GOLIM4: variants seen among roughly 807,000 people sequenced by gnomAD.
GOLIM4 encodes the protein golgi integral membrane protein 4, also known as 130 kDa golgi-localized phosphoprotein.
GOLIM4 carries 71 observed loss-of-function variants against 107.4 expected under a neutral mutation model. That is an observed-to-expected ratio of 0.66 (90% CI 0.55 to 0.81). The LOEUF (loss-of-function observed/expected upper bound fraction) is 0.81, where lower values mean the gene tolerates loss of function less well. Among genes scored for constraint, GOLIM4 ranks in the 30% least tolerant of loss-of-function variants. GOLIM4 has a pLI of 0.00. For synonymous variants in GOLIM4, 327 were observed against 294.8 expected, an observed-to-expected ratio of 1.11 and a Z score of -1.12; for missense variants, 830 against 826.1, an observed-to-expected ratio of 1.00 and a Z score of -0.06.
chr3:168,076,979 G>A (rs1721111159), intron 1 of GOLIM4, among the ~76,000 whole-genome samples: 1 of 152,136 alleles, frequency 6.6e-6, no homozygotes, highest in South Asian at 2.1e-4. Flanking sequence ...TTTACTTATT[G>A]CCTTTTGTTT....
chr3:168,017,048 TA>T (rs896181434), intron 14 of GOLIM4, among the ~76,000 whole-genome samples: 1 of 151,716 alleles, frequency 6.6e-6, no homozygotes, highest in Non-Finnish European at 1.5e-5. Context: ...ATAATAATAA[TA>T]AAAAAAAGAA....
At chr3:168,038,189 T>C (rs1437818544) in intron 7 of GOLIM4, among the ~76,000 whole-genome samples, 1 of 152,210 alleles carries the variant, frequency 6.6e-6, no homozygotes, top group African/African-American at 2.4e-5. Flanking sequence ...ATGGCCTTTA[T>C]CTGAGAAATC....
intron 1 of GOLIM4, among the ~76,000 whole-genome samples, chr3:168,072,598 A>G (rs1238727870): frequency 6.6e-6 from 1 of 152,074 alleles, no homozygotes; most frequent in East Asian, 1.9e-4. Flanking sequence ...TGGGCCATAA[A>G]TAGCTAGACT....
intron 1 of GOLIM4, among the ~76,000 whole-genome samples, chr3:168,054,134 T>G (rs559576734): frequency 6.6e-6 from 1 of 152,240 alleles, no homozygotes; most frequent in African/African-American, 2.4e-5. Flanking sequence ...TCTCACTCAA[T>G]TCCAGTTTCA....
intron 1 of GOLIM4, among the ~76,000 whole-genome samples, chr3:168,074,490 G>C (rs1720975401): frequency 6.6e-6 from 1 of 152,162 alleles, no homozygotes; most frequent in South Asian, 2.1e-4. Context: ...TCATGAGAAA[G>C]GCGTGAGCTT....
chr3:168,025,177 C>T, intron 12 of GOLIM4, 82 bp from the exon 13 acceptor site: 3 of 1,119,068 alleles, frequency 2.7e-6, no homozygotes, highest in Non-Finnish European at 3.9e-6. Context: ...TGCCCACTGG[C>T]AGAAAATGAA....
chr3:168,076,431 C>T (rs754255726), intron 1 of GOLIM4, among the ~76,000 whole-genome samples: 7 of 152,122 alleles, frequency 4.6e-5, no homozygotes, highest in South Asian at 2.1e-4. Flanking sequence ...TGGTGGCTCA[C>T]GCCTGTAATC....
At chr3:168,050,047 C>G (rs1036945303) in intron 1 of GOLIM4, among the ~76,000 whole-genome samples, 19 of 152,108 alleles carry the variant, frequency 1.2e-4, no homozygotes, top group African/African-American at 4.3e-4. Context: ...TTCCCTCATC[C>G]GTAGGCAGTC....
chr3:168,030,096 C>T, intron 9 of GOLIM4, 60 bp from the exon 10 acceptor site: 1 of 1,538,906 alleles, frequency 6.5e-7, no homozygotes, highest in South Asian at 1.2e-5. Flanking sequence ...GTTTTCTCTT[C>T]ATTTGTTTCT....
At chr3:168,066,908 A>G (rs557950383) in intron 1 of GOLIM4, among the ~76,000 whole-genome samples, 8 of 152,274 alleles carry the variant, frequency 5.3e-5, no homozygotes, top group African/African-American at 1.9e-4. Context: ...GTTATTTCAT[A>G]AGAAAAATAA....
chr3:168,025,605 A>G (rs1717949599), intron 12 of GOLIM4, among the ~76,000 whole-genome samples: 1 of 152,164 alleles, frequency 6.6e-6, no homozygotes, highest in Non-Finnish European at 1.5e-5. Flanking sequence ...AGGATACGAA[A>G]AGGAGACAAG....
intron 14 of GOLIM4, among the ~76,000 whole-genome samples, chr3:168,020,732 A>G (rs6795955): frequency 0.19 from 29,397 of 152,178 alleles, 6,280 homozygotes; most frequent in African/African-American, 0.53. Context: ...ATAGAGAACA[A>G]ACTCTTAGTT....
At chr3:168,026,538 A>G (rs1375408075) in intron 12 of GOLIM4, among the ~76,000 whole-genome samples, 1 of 152,314 alleles carries the variant, frequency 6.6e-6, no homozygotes, top group Admixed American at 6.5e-5. Flanking sequence ...ACAAACAAAC[A>G]GATGACAGGA....
rs1391751739 is a variant in GOLIM4, at chr3:168,013,536, G to A, written c.1861-2713C>T. On this transcript the variant is annotated intron_variant, in intron 14 of 15. Coordinates refer to ENST00000470487, the MANE Select transcript of GOLIM4 (RefSeq NM_014498.5). ...AATTGAACTCAGCTCTGCACCAAGC[G>A]AACCTAATAGACATCTACAGAACTC... 1.1e-4 allele frequency among the ~76,000 whole-genome samples: 15 copies of A among 137,806 alleles called. 1 individual carries two copies. The highest frequency in any genetic ancestry group is 4.2e-4 in the African/African-American group (12 of 28,494). 90.4% of individuals were successfully genotyped at this position (137,806 alleles called of 152,430 possible).
In GOLIM4 at chr3:168,010,260, T is replaced by C. The variant is rs753805012; in HGVS notation, c.*9A>G. ...CGTTGGCTGAGCGTTGTCTAGAAAT[T>C]GGGTGCCGCTACATTTCAGCTCTTC... On this transcript the variant is annotated 3_prime_UTR_variant, in exon 16 of 16. Coordinates refer to ENST00000470487, the MANE Select transcript of GOLIM4 (RefSeq NM_014498.5). 6.2e-7 allele frequency: 1 copy of C among 1,607,904 alleles called. No individual in the cohort carries two copies. The highest frequency in any genetic ancestry group is 1.7e-5 in the Admixed American group (1 of 58,770).
intron 1 of GOLIM4, among the ~76,000 whole-genome samples, chr3:168,090,356 G>A (rs991695971): frequency 1.3e-5 from 2 of 151,884 alleles, no homozygotes; most frequent in African/African-American, 2.4e-5. Flanking sequence ...AAACTGAGCA[G>A]AGGACATGAA....
At chr3:168,043,731 C>T (rs9880489) in intron 4 of GOLIM4, among the ~76,000 whole-genome samples, 6,507 of 152,212 alleles carry the variant, frequency 0.043, 433 homozygotes, top group African/African-American at 0.15. Flanking sequence ...GTTGGGATCA[C>T]AGCCAAAAAT....
rs745850643 is a variant in GOLIM4 at position 168,024,526 on chromosome 3, C to T, written c.1860G>A (p.Glu620=). The T allele has an allele frequency of 6.2e-7, 1 of 1,602,600 alleles. No homozygotes were observed. The highest frequency in any genetic ancestry group is 8.6e-7 in the Non-Finnish European group (1 of 1,169,478). ...DEQYQEEAEE[E]VQEDLTEEKK... The stretch of plus-strand genomic sequence containing the variant: ...GTCTCTGGGATTCAATCCTTACTAC[C>T]TCCTCTTCTGCCTCTTCCTGGTACT... The change falls in exon 14 of 16, where the codon GAG becomes GAA. Residue 620 remains glutamate (E), a splice_region_variant and synonymous_variant. Transcript: ENST00000470487.
intron 8 of GOLIM4, among the ~76,000 whole-genome samples, chr3:168,035,976 A>C (rs939991336): frequency 2.0e-5 from 3 of 152,192 alleles, no homozygotes; most frequent in African/African-American, 4.8e-5. Flanking sequence ...GTATTATTTG[A>C]CTAGCACTCA....
Sources: allele counts gnomAD v4.1 joint callset (sites outside exome capture counted in the v4.1 genomes callset), GRCh38; gene constraint gnomAD v4.1.1; transcripts MANE v1.5; gene names NCBI Gene and HGNC (gene_info 2026-07-23, HGNC 2026-07-21).